Variants in CDC14A observed in about 807,000 individuals in gnomAD.
CDC14A encodes cell division cycle 14A.
CDC14A carries 53 observed loss-of-function variants against 74.4 expected under a neutral mutation model. The ratio of observed to expected loss-of-function variants is 0.71; its 90% confidence interval spans 0.57 to 0.89. The LOEUF (loss-of-function observed/expected upper bound fraction) is 0.89. Among genes scored for constraint, CDC14A ranks in the 40% least tolerant of loss-of-function variants. CDC14A has a pLI of 0.00. For synonymous variants in CDC14A, 247 were observed against 258.4 expected, an observed-to-expected ratio of 0.96 and a Z score of 0.43; for missense variants, 646 against 713.7, an observed-to-expected ratio of 0.91 and a Z score of 1.08.
chr1:100,494,750 G>A lies in CDC14A; in HGVS notation c.1138-68G>A, dbSNP rs954356451. On this transcript the variant is annotated intron_variant, in intron 11 of 15. Coordinates refer to ENST00000336454, the MANE Select transcript of CDC14A (RefSeq NM_003672.4). ...ATCTGTATAAAATGTATCTATATATGTAGTCTGTTAAGAAACCTATATAAA... is the reference window on the plus strand; with the variant it reads ...ATCTGTATAAAATGTATCTATATATATAGTCTGTTAAGAAACCTATATAAA... 8 of 742,474 alleles carry A rather than the reference G, an allele frequency of 1.1e-5. No individual in the cohort carries two copies. The South Asian group carries it at 1.2e-4, about 12-fold the overall frequency. The allele number at this position is 742,474 out of a possible 1,614,324, so 46.0% of individuals were successfully genotyped here.
intron 7 of CDC14A, among the ~76,000 whole-genome samples, chr1:100,449,767 A>G (rs373938570): frequency 6.6e-6 from 1 of 152,252 alleles, no homozygotes; most frequent in Non-Finnish European, 1.5e-5. Flanking sequence ...CATAGTGGGC[A>G]GTCATTATTT....
At chr1:100,511,785 C>T (rs973929154) in intron 15 of CDC14A, among the ~76,000 whole-genome samples, 5 of 152,182 alleles carry the variant, frequency 3.3e-5, no homozygotes, top group Non-Finnish European at 5.9e-5. Flanking sequence ...CATGAACTAT[C>T]GCATAGCCCT....
At chr1:100,351,801 A>T, upstream of CDC14A, 1 of 1,550,408 alleles carries the variant, frequency 6.4e-7, no homozygotes, top group East Asian at 2.4e-5. Context: ...AAGTTATATC[A>T]GAGTCTGGTA....
chr1:100,451,544 T>C (rs1235224956), intron 7 of CDC14A, among the ~76,000 whole-genome samples: 2 of 152,254 alleles, frequency 1.3e-5, no homozygotes, highest in Non-Finnish European at 2.9e-5. Context: ...CATATTTGCA[T>C]TTATGTAATA....
At position 100,436,308 on chromosome 1, in the gene CDC14A, T is replaced by C. The variant is rs577905372; in HGVS notation, c.390-3624T>C. On this transcript the variant is annotated intron_variant, in intron 5 of 15. Transcript: ENST00000336454. The stretch of plus-strand genomic sequence containing the variant: ...ATGGGAGGGAATGTTGCCTCTTAAA[T>C]GGACTTTCAATCTTATTTTAGTCAT... Among the ~76,000 whole-genome samples the C allele has an allele frequency of 6.6e-5, 10 of 152,338 alleles. No homozygotes were observed. In the South Asian group the frequency reaches 1.7e-3, roughly 25 times the overall value.
chr1:100,395,270 T>G (rs1658315830), intron 4 of CDC14A, among the ~76,000 whole-genome samples: 1 of 152,258 alleles, frequency 6.6e-6, no homozygotes, highest in Non-Finnish European at 1.5e-5. Flanking sequence ...ACTGCCTGTT[T>G]GATAGCTCCA....
intron 4 of CDC14A, chr1:100,393,859 C>G (rs1658081166): frequency 3.9e-6 from 1 of 254,064 alleles, no homozygotes; most frequent in Admixed American, 4.9e-5. Context: ...AGGAGAATCG[C>G]TTGAACCCAG....
chr1:100,493,437 G>A (rs1196008651), intron 11 of CDC14A, among the ~76,000 whole-genome samples: 1 of 152,244 alleles, frequency 6.6e-6, no homozygotes, highest in Non-Finnish European at 1.5e-5. Flanking sequence ...CCACTGGCAA[G>A]CCTAGCTGTC....
intron 7 of CDC14A, among the ~76,000 whole-genome samples, chr1:100,451,850 A>C (rs570655814): frequency 6.6e-6 from 1 of 152,238 alleles, no homozygotes. Flanking sequence ...TGGTATCCAC[A>C]TATTTGCTGC....
chr1:100,507,670 C>A (rs1348132475), intron 15 of CDC14A, among the ~76,000 whole-genome samples: 2 of 151,670 alleles, frequency 1.3e-5, no homozygotes, highest in African/African-American at 4.8e-5. Flanking sequence ...TTGCAATAGC[C>A]CCACAATTTT....
chr1:100,492,413 T>C (rs1241142440), intron 11 of CDC14A, among the ~76,000 whole-genome samples: 1 of 152,226 alleles, frequency 6.6e-6, no homozygotes, highest in African/African-American at 2.4e-5. Context: ...ATTTCTATTA[T>C]AAATACTTTG....
chr1:100,515,386 C>CTTTT (rs368562046), intron 15 of CDC14A, among the ~76,000 whole-genome samples: 7 of 140,204 alleles, frequency 5.0e-5, no homozygotes, highest in Non-Finnish European at 6.3e-5. Flanking sequence ...TTCTTTCTTT[C>CTTTT]TTTTTTTTTT....
At position 100,391,123 on chromosome 1, in the gene CDC14A, AATG is replaced by A. The variant is rs755129976; in HGVS notation, c.309+300_309+302del. ...ACCAAGGACATTTCTAGGAAAAAAA[AATG>A]TGTGTGTGCATGTGTGTATGTTTAA... On this transcript the variant is annotated intron_variant, in intron 4 of 15. Transcript: ENST00000336454. 152 of 392,664 alleles carry A rather than the reference AATG, an allele frequency of 3.9e-4. 1 individual carries two copies. The highest frequency in any genetic ancestry group is 3.2e-3 in the African/African-American group (141 of 43,930). 24.3% of individuals were successfully genotyped at this position (392,664 alleles called of 1,614,324 possible). A position where few individuals can be genotyped will look rare whatever the true frequency, so the allele number is the denominator to read the frequency against.
In CDC14A at chr1:100,520,099, AC is replaced by A. The variant is rs1344440164; in HGVS notation, c.*1821del. 2.0e-5 allele frequency: 3 copies of A among 152,672 alleles called. No individual in the cohort carries two copies. The highest frequency in any genetic ancestry group is 7.2e-5 in the African/African-American group (3 of 41,572). 9.5% of individuals were successfully genotyped at this position (152,672 alleles called of 1,614,324 possible). ...TTTACACATGTGCCTACATAGACAC[AC>A]CAAGAAGTGGATGTATATAATATAG... On this transcript the variant is annotated 3_prime_UTR_variant, in exon 16 of 16. Transcript: ENST00000336454.
At chr1:100,357,049 T>C (rs1652012957) in intron 2 of CDC14A, among the ~76,000 whole-genome samples, 1 of 151,974 alleles carries the variant, frequency 6.6e-6, no homozygotes, top group African/African-American at 2.4e-5. Flanking sequence ...GTGGTGAGCC[T>C]ACTGGAGCTC....
intron 2 of CDC14A, among the ~76,000 whole-genome samples, chr1:100,366,128 A>T (rs1653565417): frequency 6.6e-6 from 1 of 152,230 alleles, no homozygotes; most frequent in Non-Finnish European, 1.5e-5. Flanking sequence ...GAGCAAGTGA[A>T]TGAAGAGACA....
intron 4 of CDC14A, among the ~76,000 whole-genome samples, chr1:100,405,324 C>T (rs1224306822): frequency 6.6e-6 from 1 of 152,212 alleles, no homozygotes; most frequent in Non-Finnish European, 1.5e-5. Flanking sequence ...ACTTGCTTTG[C>T]ACACTCGCCC....
chr1:100,415,830 A>G (rs1661465549), intron 4 of CDC14A, among the ~76,000 whole-genome samples: 1 of 152,244 alleles, frequency 6.6e-6, no homozygotes, highest in Non-Finnish European at 1.5e-5. Flanking sequence ...ATTAGAACAA[A>G]GTGGAATTGT....
intron 15 of CDC14A, among the ~76,000 whole-genome samples, chr1:100,513,203 G>C (rs1034588741): frequency 1.1e-4 from 16 of 152,170 alleles, no homozygotes; most frequent in African/African-American, 3.1e-4. Flanking sequence ...TACAGAGGCA[G>C]TTATGGGTGT....
Sources: gnomAD v4.1 joint callset for allele counts (sites outside exome capture counted in the v4.1 genomes callset) on GRCh38, gnomAD v4.1.1 for gene constraint, MANE v1.5 for transcripts, NCBI Gene and HGNC (gene_info 2026-07-23, HGNC 2026-07-21) for gene names.